The following DTD2 variants were observed in gnomAD, a reference collection of about 807,000 sequenced individuals.
DTD2 encodes the protein D-aminoacyl-tRNA deacylase 2.
Under a neutral mutation model 15.5 loss-of-function variants are expected in DTD2, and 12 were observed. That is an observed-to-expected ratio of 0.77 (90% CI 0.50 to 1.25). The LOEUF (loss-of-function observed/expected upper bound fraction) is 1.25, where lower values mean the gene tolerates loss of function less well. Ranked by LOEUF, DTD2 falls within the 50% of genes most tolerant of loss-of-function variation. The probability of loss-of-function intolerance (pLI) is 0.00; values close to 1 mark genes in which losing one functional copy is unlikely to be tolerated. For missense variants in DTD2, 170 were observed against 201.1 expected (o/e 0.85, Z 0.93); for synonymous variants, 59 against 77.3 (o/e 0.76, Z 1.24).
At chr14:31,451,860 T>C (rs2032039236) in intron 2 of DTD2, among the ~76,000 whole-genome samples, 1 of 152,212 alleles carries the variant, frequency 6.6e-6, no homozygotes, top group African/African-American at 2.4e-5. Context: ...CTTTCAAGTT[T>C]GTATGTATGT....
intron 1 of DTD2, 45 bp downstream of exon 1, chr14:31,457,238 G>T (rs1234811024): frequency 6.6e-7 from 1 of 1,517,792 alleles, no homozygotes. Context: ...GGAAAAAACC[G>T]CCCCGCACGC....
rs1352346306 is a variant in DTD2, at chr14:31,449,240, A to G, written c.182-786T>C. ...ATCAAATAACAATTTTAGCGCAGTT[A>G]TTATTTTAAACTTAGTTGCCAAGAG... On this transcript the variant is annotated intron_variant, in intron 2 of 2. Transcript: ENST00000310850. Among the ~76,000 whole-genome samples the G allele has an allele frequency of 5.9e-5, 9 of 152,316 alleles. No individual in the cohort carries two copies. In the East Asian group the frequency reaches 1.3e-3, roughly 23 times the overall value.
At chr14:31,453,371 A>C (rs1316866405) in intron 1 of DTD2, 27 bp from the exon 2 acceptor site, 1 of 1,598,062 alleles carries the variant, frequency 6.3e-7, no homozygotes, top group Non-Finnish European at 8.6e-7. Context: ...CAGTAAACTC[A>C]GATTACAACA....
intron 1 of DTD2, 84 bp from the exon 2 acceptor site, chr14:31,453,428 T>G (rs1422355666): frequency 1.0e-5 from 12 of 1,175,354 alleles, no homozygotes; most frequent in South Asian, 1.3e-5. Context: ...TCACAACTAT[T>G]AATATTATAG....
intron 1 of DTD2, among the ~76,000 whole-genome samples, chr14:31,454,678 C>T (rs1037428788): frequency 6.6e-5 from 10 of 152,224 alleles, no homozygotes; most frequent in African/African-American, 2.2e-4. Flanking sequence ...CTAACATTAT[C>T]TCCTCATTAA....
chr14:31,455,419 T>C (rs1272579934), intron 1 of DTD2, among the ~76,000 whole-genome samples: 4 of 150,982 alleles, frequency 2.6e-5, no homozygotes, highest in Non-Finnish European at 5.9e-5. Context: ...GGCGTGGTGG[T>C]GGGCGCCTGT....
intron 1 of DTD2, among the ~76,000 whole-genome samples, chr14:31,455,068 T>A (rs1453035158): frequency 6.6e-6 from 1 of 152,182 alleles, no homozygotes; most frequent in Non-Finnish European, 1.5e-5. Context: ...TGTGTAGGAG[T>A]GAAAGGGAAA....
At chr14:31,449,684 A>G (rs1263943246) in intron 2 of DTD2, among the ~76,000 whole-genome samples, 1 of 152,228 alleles carries the variant, frequency 6.6e-6, no homozygotes, top group African/African-American at 2.4e-5. Flanking sequence ...CCCTACCTCT[A>G]TAAAGGTATA....
At chr14:31,456,373 G>A (rs574881536) in intron 1 of DTD2, among the ~76,000 whole-genome samples, 1 of 151,858 alleles carries the variant, frequency 6.6e-6, no homozygotes, top group Non-Finnish European at 1.5e-5. Context: ...GCGACAGATC[G>A]AGAATTCATC....
In DTD2 at chr14:31,446,955, A is replaced by T. The variant is rs1188312316; in HGVS notation, c.*1174T>A. On this transcript the variant is annotated 3_prime_UTR_variant, in exon 3 of 3. Coordinates refer to ENST00000310850, the MANE Select transcript of DTD2 (RefSeq NM_080664.3). ...TTAAAAAGCGAAGACAAAAAGTGAG[A>T]CACATGATTTTGGTAAAAACTGAAA... is the stretch of plus-strand genomic sequence containing the variant. The T allele has an allele frequency of 6.6e-6, 1 of 152,232 alleles. No individual in the cohort carries two copies. The highest frequency in any genetic ancestry group is 1.5e-5 in the Non-Finnish European group (1 of 68,046). The allele number at this position is 152,232 out of a possible 1,614,324, so 9.4% of individuals were successfully genotyped here.
At chr14:31,450,061 T>C (rs1039797708) in intron 2 of DTD2, among the ~76,000 whole-genome samples, 1 of 152,226 alleles carries the variant, frequency 6.6e-6, no homozygotes, top group Non-Finnish European at 1.5e-5. Flanking sequence ...AAGGAAACTT[T>C]CCAGGGCACT....
At chr14:31,452,106 G>C (rs1412315529) in intron 2 of DTD2, 1 of 152,176 alleles carries the variant, frequency 6.6e-6, no homozygotes. Context: ...CCTTGGAGGA[G>C]GTGTGGCTGT....
At chr14:31,456,258 CGCCTGTTGTCCCA>C (rs2032093686) in intron 1 of DTD2, among the ~76,000 whole-genome samples, 1 of 152,050 alleles carries the variant, frequency 6.6e-6, no homozygotes, top group Non-Finnish European at 1.5e-5. Context: ...TGGTAGCTTG[CGCCTGTTGTCCCA>C]GCTACTCGGG....
Position 31,457,502 on chromosome 14 carries a change from C to A in DTD2, c.-109G>T, listed in dbSNP as rs751260938. 114 of 779,536 alleles carry A rather than the reference C, an allele frequency of 1.5e-4. No homozygotes were observed. The highest frequency in any genetic ancestry group is 2.0e-4 in the Non-Finnish European group (106 of 525,450). The allele number at this position is 779,536 out of a possible 1,614,324, so 48.3% of individuals were successfully genotyped here. A position where few individuals can be genotyped will look rare whatever the true frequency, so the allele number is the denominator to read the frequency against. On this transcript the variant is annotated 5_prime_UTR_variant, in exon 1 of 3. Transcript: ENST00000310850. The stretch of plus-strand genomic sequence containing the variant: ...GCGGGGCACGACGAAGGGCCTGCGC[C>A]GATTGCCCAGTGGCCCCGCCCTTAG...
intron 2 of DTD2, among the ~76,000 whole-genome samples, chr14:31,449,524 A>AT (rs1405691041): frequency 6.6e-6 from 1 of 152,222 alleles, no homozygotes; most frequent in Non-Finnish European, 1.5e-5. Flanking sequence ...CATTCGTGAG[A>AT]TTTCCTATAG....
chr14:31,448,890 T>G (rs572054974), intron 2 of DTD2, among the ~76,000 whole-genome samples: 60 of 152,204 alleles, frequency 3.9e-4, no homozygotes, highest in African/African-American at 9.4e-4. Context: ...TTGCTTGCTT[T>G]ATTTATTTAT....
intron 2 of DTD2, among the ~76,000 whole-genome samples, chr14:31,448,845 A>C (rs779059326): frequency 1.6e-4 from 25 of 152,132 alleles, no homozygotes; most frequent in Non-Finnish European, 3.4e-4. Flanking sequence ...AAATATGAGG[A>C]TAACTCCTCC....
chr14:31,452,922 T>C (rs1161097149), intron 2 of DTD2: 2 of 162,070 alleles, frequency 1.2e-5, no homozygotes, highest in African/African-American at 4.8e-5. Context: ...TGTCTATTAC[T>C]ATTCTTTCTC....
rs2031972498 is a variant in DTD2, at chr14:31,447,411, T to C, written c.*718A>G. 1 of 152,240 alleles carries C rather than the reference T, an allele frequency of 6.6e-6. No homozygotes were observed. The highest frequency in any genetic ancestry group is 1.5e-5 in the Non-Finnish European group (1 of 68,036). The allele number at this position is 152,240 out of a possible 1,614,324, so 9.4% of individuals were successfully genotyped here. A position where few individuals can be genotyped will look rare whatever the true frequency, so the allele number is the denominator to read the frequency against. On this transcript the variant is annotated 3_prime_UTR_variant, in exon 3 of 3. Transcript: ENST00000310850. ...TGTGCTGAAGTTTACCTAATTTTAA[T>C]ACAAATAGTTATTTTTATTACATGC...
Sources: gnomAD v4.1 joint callset for allele counts (sites outside exome capture counted in the v4.1 genomes callset) on GRCh38, gnomAD v4.1.1 for gene constraint, MANE v1.5 for transcripts, NCBI Gene and HGNC (gene_info 2026-07-23, HGNC 2026-07-21) for gene names.